Variants in LGALS4 observed in about 807,000 individuals in gnomAD.
LGALS4 encodes the protein galectin 4.
LGALS4 carries 37 observed loss-of-function variants against 39.6 expected under a neutral mutation model. The ratio of observed to expected loss-of-function variants is 0.93; its 90% confidence interval spans 0.72 to 1.23. LGALS4 has a LOEUF of 1.23. LGALS4 is among the 50% of genes most tolerant of loss of function. The probability of loss-of-function intolerance (pLI) is 0.00; values close to 1 mark genes in which losing one functional copy is unlikely to be tolerated. For missense variants in LGALS4, 397 were observed against 433.2 expected (o/e 0.92, Z 0.74); for synonymous variants, 160 against 165.5 (o/e 0.97, Z 0.25).
In LGALS4 at chr19:38,803,770, T is replaced by C; in HGVS notation, c.512A>G (p.His171Arg). Residue 171 changes from histidine to arginine, a missense_variant, in exon 6 of 10, where the codon CAT (histidine) becomes CGT (arginine). Coordinates refer to ENST00000307751, the MANE Select transcript of LGALS4 (RefSeq NM_006149.4). ...PMMPPYPGPG[H>R]CHQQLNSLPT... is the part of the protein sequence containing the mutation. ...CAGGCTGTTCAGCTGTTGATGGCAATGTCCGGGACCCTGAACGATGGACAG... is the reference window on the plus strand; with the variant it reads ...CAGGCTGTTCAGCTGTTGATGGCAACGTCCGGGACCCTGAACGATGGACAG... 6.2e-7 allele frequency: 1 copy of C among 1,613,762 alleles called. No individual in the cohort carries two copies. Among genetic ancestry groups the C allele is most frequent in the South Asian group, 1.1e-5 (1 of 90,992 alleles).
At position 38,803,542 on chromosome 19, in the gene LGALS4, C is replaced by T; in HGVS notation, c.550G>A (p.Gly184Arg). 1 of 1,614,038 alleles carries T rather than the reference C, an allele frequency of 6.2e-7. No homozygotes were observed. The highest frequency in any genetic ancestry group is 8.5e-7 in the Non-Finnish European group (1 of 1,179,950). Reference sequence around the variant, plus strand: ...CATACCGGGTTGAAGGTTGGGGGTCCTTCCATGGTCTGTGAAGTGAGGAAG... The same window carrying T: ...CATACCGGGTTGAAGGTTGGGGGTCTTTCCATGGTCTGTGAAGTGAGGAAG... ...QQLNSLPTME[G>R]PPTFNPPVPY... The change falls in exon 7 of 10, where the codon GGA becomes AGA. Residue 184 changes from glycine (G) to arginine (R), a missense_variant. Transcript: ENST00000307751.
chr19:38,811,244 C>T (rs868865564), intron 2 of LGALS4, among the ~76,000 whole-genome samples: 2 of 152,022 alleles, frequency 1.3e-5, no homozygotes, highest in Non-Finnish European at 2.9e-5. Flanking sequence ...ATCAGCTCCA[C>T]GAGGGCAGGG....
chr19:38,808,918 A>G lies in LGALS4; in HGVS notation c.165T>C (p.Asp55=). The G allele has an allele frequency of 6.2e-7, 1 of 1,613,434 alleles. No individual in the cohort carries two copies. The highest frequency in any genetic ancestry group is 8.5e-7 in the Non-Finnish European group (1 of 1,179,730). ...AGTGGAAGGCGACGTCTGAGCCCGG[A>G]TCCTGCCCAACCACAAAGTTCACGA... is the stretch of plus-strand genomic sequence containing the variant. ...RFFVNFVVGQ[D]PGSDVAFHFN... Residue 55 remains aspartate (D), a synonymous_variant, in exon 3 of 10, where the codon GAT becomes GAC. Coordinates refer to ENST00000307751, the MANE Select transcript of LGALS4 (RefSeq NM_006149.4).
At chr19:38,803,411 C>G in intron 7 of LGALS4, 111 bp downstream of exon 7, 1 of 1,084,174 alleles carries the variant, frequency 9.2e-7, no homozygotes, top group Non-Finnish European at 1.4e-6. Context: ...ATCTACCCTT[C>G]CCCTACCTCC....
At position 38,808,750 on chromosome 19, in the gene LGALS4, G is replaced by A; in HGVS notation, c.333C>T (p.His111=). 2 of 1,613,924 alleles carry A rather than the reference G, an allele frequency of 1.2e-6. No homozygotes were observed. The highest frequency in any genetic ancestry group is 2.2e-5 in the South Asian group (2 of 91,066). ...AGAGAGAAAGCATGCAGACCTTGTA[G>A]TGCTCAGCCAGGACTATGAAGACCA... ...FELVFIVLAE[H]YKVVVNGNPF... Residue 111 remains histidine (H), a synonymous_variant, in exon 3 of 10, where the codon CAC becomes CAT. Coordinates refer to ENST00000307751, the MANE Select transcript of LGALS4 (RefSeq NM_006149.4).
At chr19:38,811,626 C>T (rs1331036839) in intron 2 of LGALS4, among the ~76,000 whole-genome samples, 1 of 151,928 alleles carries the variant, frequency 6.6e-6, no homozygotes, top group Admixed American at 6.6e-5. Flanking sequence ...TGCCACTGCA[C>T]TCCAGCTTGG....
At chr19:38,810,899 CT>C (rs59517682) in intron 2 of LGALS4, among the ~76,000 whole-genome samples, 4,486 of 124,980 alleles carry the variant, frequency 0.036, 125 homozygotes, top group African/African-American at 0.12. Flanking sequence ...ACATATTTGA[CT>C]TTTTTTTTTT....
intron 3 of LGALS4, among the ~76,000 whole-genome samples, chr19:38,808,482 A>G (rs946301373): frequency 6.6e-6 from 1 of 151,856 alleles, no homozygotes; most frequent in Non-Finnish European, 1.5e-5. Flanking sequence ...AAATTAGCTG[A>G]GCGTGGTGGC....
At chr19:38,810,041 G>T (rs1034102840) in intron 2 of LGALS4, among the ~76,000 whole-genome samples, 2 of 152,210 alleles carry the variant, frequency 1.3e-5, no homozygotes, top group Non-Finnish European at 2.9e-5. Context: ...CAGGGCCTTT[G>T]CACTGGCTGT....
At chr19:38,805,204 ATAATAT>A (rs1189506882) in intron 4 of LGALS4, among the ~76,000 whole-genome samples, 2 of 147,414 alleles carry the variant, frequency 1.4e-5, no homozygotes, top group African/African-American at 4.9e-5. Context: ...AATAATAATA[ATAATAT>A]TGATAAACTC....
chr19:38,812,371 G>C (rs1971503612), intron 2 of LGALS4, 60 bp downstream of exon 2: 2 of 1,472,444 alleles, frequency 1.4e-6, no homozygotes, highest in Non-Finnish European at 1.9e-6. Flanking sequence ...CAACAGCCAG[G>C]CCCAGAGCAC....
At position 38,812,887 on chromosome 19, in the gene LGALS4, C is replaced by T. The variant is rs10441; in HGVS notation, c.-1G>A. ...AGCCCGGTGCGGGGACATAGGCCAT[C>T]GCTCGAGGCTGCGCTAGTGGCTGGT... is the stretch of plus-strand genomic sequence containing the variant. On this transcript the variant is annotated 5_prime_UTR_variant, in exon 1 of 10. Coordinates refer to ENST00000307751, the MANE Select transcript of LGALS4 (RefSeq NM_006149.4). 29 of 1,611,604 alleles carry T rather than the reference C, an allele frequency of 1.8e-5. No individual in the cohort carries two copies. The highest frequency in any genetic ancestry group is 8.9e-5 in the East Asian group (4 of 44,888).
intron 7 of LGALS4, chr19:38,803,267 T>C (rs929240798): frequency 3.5e-6 from 2 of 574,806 alleles, no homozygotes; most frequent in Non-Finnish European, 6.3e-6. Context: ...TCTGTCCGCC[T>C]TGGCATCCCA....
At chr19:38,803,836 G>A in intron 5 of LGALS4, 33 bp downstream of exon 5, 1 of 1,612,998 alleles carries the variant, frequency 6.2e-7, no homozygotes, top group Non-Finnish European at 8.5e-7. Flanking sequence ...CCCCACTAGG[G>A]AGGAAGACCC....
chr19:38,812,523 G>C lies in LGALS4; in HGVS notation c.46-4C>G. ...TGGGCTGGTAGTAAGGCAGCGTCTGGAGAAGAGGCCTGGTGAGGGGACTCA... is the reference window on the plus strand; with the variant it reads ...TGGGCTGGTAGTAAGGCAGCGTCTGCAGAAGAGGCCTGGTGAGGGGACTCA... On this transcript the variant is annotated splice_polypyrimidine_tract_variant and splice_region_variant and intron_variant, in intron 1 of 9. Transcript: ENST00000307751. 6.2e-7 allele frequency: 1 copy of C among 1,613,954 alleles called. No individual in the cohort carries two copies.
intron 3 of LGALS4, among the ~76,000 whole-genome samples, chr19:38,808,082 C>G (rs1045159111): frequency 6.6e-6 from 1 of 151,532 alleles, no homozygotes; most frequent in African/African-American, 2.4e-5. Context: ...CCTGCCACAT[C>G]CCCCTCTCTG....
chr19:38,807,849 T>C (rs2145357618), intron 3 of LGALS4, among the ~76,000 whole-genome samples: 1 of 152,334 alleles, frequency 6.6e-6, no homozygotes, highest in East Asian at 1.9e-4. Flanking sequence ...AGACATGTGG[T>C]GTGTCAACTC....
At position 38,801,779 on chromosome 19, in the gene LGALS4, G is replaced by C; in HGVS notation, c.957C>G (p.Ser319=). The change falls in exon 10 of 10, where the codon TCC becomes TCG. Residue 319 remains serine (S), a synonymous_variant. Coordinates refer to ENST00000307751, the MANE Select transcript of LGALS4 (RefSeq NM_006149.4). ...TLEIQGDVTL[S]YVQI The stretch of plus-strand genomic sequence containing the variant: ...CAGGAATAGATTAGATCTGGACATA[G>C]GACAAGGTGACATCACCCTGGATTT... 1 of 1,614,208 alleles carries C rather than the reference G, an allele frequency of 6.2e-7. No homozygotes were observed. Among genetic ancestry groups the C allele is most frequent in the Non-Finnish European group, 8.5e-7 (1 of 1,180,032 alleles).
chr19:38,809,016 G>C, intron 2 of LGALS4, 68 bp from the exon 3 acceptor site: 1 of 1,367,710 alleles, frequency 7.3e-7, no homozygotes, highest in Non-Finnish European at 1.0e-6. Flanking sequence ...CCTCCAGGAA[G>C]CCCTCTCCCT....
Sources: allele counts gnomAD v4.1 joint callset (sites outside exome capture counted in the v4.1 genomes callset), GRCh38; gene constraint gnomAD v4.1.1; transcripts MANE v1.5; gene names NCBI Gene and HGNC (gene_info 2026-07-23, HGNC 2026-07-21).